UTS2: variants seen among roughly 807,000 people sequenced by gnomAD.
UTS2 encodes urotensin 2, also known as urotensin-2.
UTS2 carries 10 observed loss-of-function variants against 12.6 expected under a neutral mutation model. The observed-to-expected ratio is 0.80, with a 90% CI of 0.49 to 1.35. UTS2 has a LOEUF of 1.35. UTS2 is among the 40% of genes most tolerant of loss of function. The pLI is 0.00. For synonymous variants in UTS2, 52 were observed against 50.0 expected (o/e 1.04, Z -0.17); for missense variants, 142 against 143.2 (o/e 0.99, Z 0.04).
At chr1:7,890,967 A>AACCC in the UTS2 span, among the ~76,000 whole-genome samples, 1 of 135,782 alleles carries the variant, frequency 7.4e-6, no homozygotes. Context: ...GATACCCTCC[A>AACCC]CCCCCCCCCA....
the UTS2 span, among the ~76,000 whole-genome samples, chr1:7,912,276 CTTAA>C: frequency 6.6e-6 from 1 of 152,162 alleles, no homozygotes; most frequent in Non-Finnish European, 1.5e-5. Context: ...CCAGCACCTT[CTTAA>C]TGTTGGGACT....
chr1:7,901,890 A>G, the UTS2 span, among the ~76,000 whole-genome samples: 2 of 152,186 alleles, frequency 1.3e-5, no homozygotes, highest in Admixed American at 6.5e-5. Context: ...AGCATTTGAG[A>G]AAGAAGGAAC....
chr1:7,847,903 A>G (rs1369766906), intron 3 of UTS2, 21 bp from the exon 4 acceptor site: 1 of 1,537,928 alleles, frequency 6.5e-7, no homozygotes, highest in East Asian at 2.2e-5. Context: ...CCAAACGAAC[A>G]ACAACAACAA....
chr1:7,854,414 G>A (rs1167609285), upstream of UTS2, among the ~76,000 whole-genome samples: 2 of 149,172 alleles, frequency 1.3e-5, no homozygotes, highest in African/African-American at 5.0e-5. Flanking sequence ...GTGTGGTGGT[G>A]CATGCCTGTA....
the UTS2 span, among the ~76,000 whole-genome samples, chr1:7,864,280 T>C: frequency 6.6e-6 from 1 of 152,170 alleles, no homozygotes; most frequent in East Asian, 1.9e-4. Context: ...ATGGTCATCA[T>C]GGGGGCTCAG....
At chr1:7,888,231 A>G in the UTS2 span, among the ~76,000 whole-genome samples, 1 of 152,152 alleles carries the variant, frequency 6.6e-6, no homozygotes, top group Admixed American at 6.5e-5. Flanking sequence ...TTTCCACCTA[A>G]GCTGTGTTTC....
At chr1:7,911,148 G>A in the UTS2 span, among the ~76,000 whole-genome samples, 1 of 152,084 alleles carries the variant, frequency 6.6e-6, no homozygotes, top group Non-Finnish European at 1.5e-5. Context: ...TGCACAGCGG[G>A]TGTCCCCCAC....
chr1:7,901,488 G>A, the UTS2 span, among the ~76,000 whole-genome samples: 1 of 152,052 alleles, frequency 6.6e-6, no homozygotes, highest in Non-Finnish European at 1.5e-5. Flanking sequence ...GGTGTTCTAT[G>A]GATCAGGCAC....
chr1:7,856,137 C>T (rs2151385060), upstream of UTS2, among the ~76,000 whole-genome samples: 1 of 152,076 alleles, frequency 6.6e-6, no homozygotes, highest in South Asian at 2.1e-4. Context: ...GGCTATCGCA[C>T]TATTTTATGT....
upstream of UTS2, among the ~76,000 whole-genome samples, chr1:7,857,913 A>G (rs139996524): frequency 1.3e-5 from 2 of 151,446 alleles, no homozygotes; most frequent in East Asian, 3.9e-4. Flanking sequence ...GTGCATGTTT[A>G]TGCTCATGCA....
At chr1:7,853,289 G>A (rs1268697870), upstream of UTS2, 2 of 1,613,748 alleles carry the variant, frequency 1.2e-6, no homozygotes, top group Non-Finnish European at 1.7e-6. Flanking sequence ...TATAAATCTG[G>A]CAAAAGAGGC....
At chr1:7,911,739 T>C in the UTS2 span, among the ~76,000 whole-genome samples, 401 of 152,084 alleles carry the variant, frequency 2.6e-3, 4 homozygotes, top group African/African-American at 9.3e-3. Context: ...CCGTCTCTAC[T>C]AAAAATACAA....
Position 7,850,838 on chromosome 1 carries a change from T to C in UTS2, c.188A>G (p.Glu63Gly). The C allele has an allele frequency of 3.1e-6, 5 of 1,614,226 alleles. No homozygotes were observed. Among genetic ancestry groups the C allele is most frequent in the Non-Finnish European group, 4.2e-6 (5 of 1,180,040 alleles). The change falls in exon 2 of 4, where the codon GAA becomes GGA. Residue 63 changes from glutamate to glycine, a missense_variant. By Grantham distance (98) the Glu-to-Gly change is moderately conservative. Transcript: ENST00000361696. ...LQILPEMLGA[E>G]RGDILRKADS... ...TGCTTTCCTGAGAATATCCCCTCTT[T>C]CTGCACCCAGCATCTCTGGCAGTAT...
At chr1:7,904,731 C>T in the UTS2 span, among the ~76,000 whole-genome samples, 2 of 151,704 alleles carry the variant, frequency 1.3e-5, no homozygotes. Context: ...ATGGTGAAAC[C>T]CTGTCTCTAC....
the UTS2 span, among the ~76,000 whole-genome samples, chr1:7,891,539 A>G: frequency 1.1e-3 from 103 of 91,816 alleles, no homozygotes; most frequent in Admixed American, 2.1e-3. Context: ...AAGAAAGAAA[A>G]GAAAGAAAGA....
the UTS2 span, among the ~76,000 whole-genome samples, chr1:7,872,710 G>A: frequency 1.7e-4 from 26 of 152,324 alleles, no homozygotes; most frequent in East Asian, 3.9e-3. Flanking sequence ...TCTCCATAAC[G>A]TAAAAGTGCA....
chr1:7,890,619 T>C, the UTS2 span, among the ~76,000 whole-genome samples: 1 of 151,142 alleles, frequency 6.6e-6, no homozygotes, highest in Admixed American at 6.6e-5. Context: ...CATAGAAAGA[T>C]GCTCACAACC....
chr1:7,862,339 T>C, the UTS2 span, among the ~76,000 whole-genome samples: 2 of 152,076 alleles, frequency 1.3e-5, no homozygotes, highest in Non-Finnish European at 2.9e-5. Context: ...CCTCTGGGCC[T>C]GTCTAGGTCC....
At chr1:7,891,635 A>AAAATTGGTAAGTAT in the UTS2 span, among the ~76,000 whole-genome samples, 1 of 152,052 alleles carries the variant, frequency 6.6e-6, no homozygotes, top group African/African-American at 2.4e-5. Context: ...TCTCATCACA[A>AAAATTGGTAAGTAT]AAATTGGTAA....
Sources: gnomAD v4.1 joint callset for allele counts (sites outside exome capture counted in the v4.1 genomes callset) on GRCh38, gnomAD v4.1.1 for gene constraint, MANE v1.5 for transcripts, NCBI Gene and HGNC (gene_info 2026-07-23, HGNC 2026-07-21) for gene names.